DCAF10: variants seen among roughly 807,000 people sequenced by gnomAD.
The protein encoded by DCAF10 is DDB1- and CUL4-associated factor 10.
In DCAF10, 19 loss-of-function variants were observed where a neutral mutation model predicts 51.9. That is an observed-to-expected ratio of 0.37 (90% CI 0.26 to 0.54). DCAF10 has a LOEUF of 0.54. Ranked by LOEUF, DCAF10 falls within the 20% of genes least tolerant of loss-of-function variation. The pLI is 0.87. For synonymous variants in DCAF10, 291 were observed against 297.1 expected (o/e 0.98, Z 0.21); for missense variants, 510 against 730.6 (o/e 0.70, Z 3.48).
rs199884641 is a variant in DCAF10 at position 37,801,235 on chromosome 9, G to C, written c.369G>C (p.Leu123=). The C allele has an allele frequency of 5.7e-6, 9 of 1,578,614 alleles. No homozygotes were observed. The East Asian group carries it at 1.7e-4, about 29-fold the overall frequency. Residue 123 remains leucine (L), a synonymous_variant, in exon 1 of 7, where the codon CTG becomes CTC. Coordinates refer to ENST00000377724, the MANE Select transcript of DCAF10 (RefSeq NM_024345.5). The surrounding 1 kb of genome is among the most constrained non-coding windows in gnomAD (Gnocchi z 5.5). The part of the protein sequence containing the change: ...GAGLGGPGAR[L]FGWLKERSLG... ...GCCTGGGCGGCCCTGGCGCTAGGCT[G>C]TTCGGGTGGCTGAAAGAGCGCAGCC...
At chr9:37,853,157 A>AAG (rs1215584389) in intron 3 of DCAF10, among the ~76,000 whole-genome samples, 1 of 150,686 alleles carries the variant, frequency 6.6e-6, no homozygotes, top group Non-Finnish European at 1.5e-5. Context: ...CGTCTCAAAA[A>AAG]AAAAAAAAAA....
chr9:37,834,180 C>T (rs1045025427), intron 2 of DCAF10, among the ~76,000 whole-genome samples: 10 of 152,006 alleles, frequency 6.6e-5, no homozygotes, highest in East Asian at 1.9e-4. Context: ...TCTGGTGATC[C>T]GCCCTTGTTG....
At chr9:37,837,199 AC>A (rs1475641345) in intron 2 of DCAF10, among the ~76,000 whole-genome samples, 3 of 152,148 alleles carry the variant, frequency 2.0e-5, no homozygotes, top group Non-Finnish European at 4.4e-5. Context: ...GGTGGCTCAC[AC>A]CTGTAATCCC....
intron 6 of DCAF10, among the ~76,000 whole-genome samples, chr9:37,860,831 A>G (rs1341200375): frequency 6.6e-6 from 1 of 152,132 alleles, no homozygotes; most frequent in Non-Finnish European, 1.5e-5. Flanking sequence ...GATGTACTCC[A>G]GGAATTTTTA....
At chr9:37,825,127 C>T (rs139087116) in intron 2 of DCAF10, among the ~76,000 whole-genome samples, 2 of 152,200 alleles carry the variant, frequency 1.3e-5, no homozygotes, top group East Asian at 1.9e-4. Flanking sequence ...AAAGGAACAC[C>T]TATACACTGT....
intron 6 of DCAF10, among the ~76,000 whole-genome samples, chr9:37,860,778 CT>C (rs1830992074): frequency 6.6e-6 from 1 of 152,040 alleles, no homozygotes; most frequent in African/African-American, 2.4e-5. Flanking sequence ...AGAGAAGAGC[CT>C]TTGAATTGTG....
chr9:37,854,200 C>T (rs1352629395), intron 3 of DCAF10, among the ~76,000 whole-genome samples: 6 of 151,836 alleles, frequency 4.0e-5, no homozygotes, highest in East Asian at 3.9e-4. Context: ...CCCAGGCTCG[C>T]GTGATCCTCC....
chr9:37,840,883 T>C (rs552587433), intron 2 of DCAF10, among the ~76,000 whole-genome samples: 1 of 152,212 alleles, frequency 6.6e-6, no homozygotes, highest in East Asian at 1.9e-4. Flanking sequence ...ATTTTTTCTA[T>C]CTTTCAATAT....
intron 5 of DCAF10, among the ~76,000 whole-genome samples, chr9:37,859,149 G>C (rs552976002): frequency 5.6e-4 from 85 of 152,292 alleles, no homozygotes; most frequent in African/African-American, 1.9e-3. Flanking sequence ...GAGCTTCACA[G>C]GTTTCTGTTA....
chr9:37,809,699 G>T (rs1564025278), intron 1 of DCAF10, among the ~76,000 whole-genome samples: 2 of 152,008 alleles, frequency 1.3e-5, no homozygotes, highest in Admixed American at 6.6e-5. Flanking sequence ...CAGGCATGGT[G>T]GTGGGCGCCT....
chr9:37,835,732 T>G lies in DCAF10; in HGVS notation c.654-6357T>G, dbSNP rs545931660. Among the ~76,000 whole-genome samples, 428 of 152,180 alleles carry G rather than the reference T, an allele frequency of 2.8e-3. 1 individual carries two copies. The highest frequency in any genetic ancestry group is 5.0e-3 in the Non-Finnish European group (342 of 68,008). ...CCAGCCTGGGCAACAAGAGTGAAACTCAGTCTCAAAACAACAACAACAAAA... is the reference window on the plus strand; with the variant it reads ...CCAGCCTGGGCAACAAGAGTGAAACGCAGTCTCAAAACAACAACAACAAAA... On this transcript the variant is annotated intron_variant, in intron 2 of 6. Coordinates refer to ENST00000377724, the MANE Select transcript of DCAF10 (RefSeq NM_024345.5).
chr9:37,852,565 C>A (rs141419863), intron 3 of DCAF10, among the ~76,000 whole-genome samples: 5 of 151,788 alleles, frequency 3.3e-5, no homozygotes, highest in African/African-American at 1.2e-4. Flanking sequence ...GCCACTGCAC[C>A]CCAGCCTGGG....
chr9:37,830,977 C>T (rs570623546), intron 2 of DCAF10, among the ~76,000 whole-genome samples: 1 of 152,292 alleles, frequency 6.6e-6, no homozygotes, highest in South Asian at 2.1e-4. Context: ...AATCCCAGCA[C>T]TTTGGGAGGC....
chr9:37,800,668 T>C (rs1284719401), upstream of DCAF10: 3 of 1,535,868 alleles, frequency 2.0e-6, no homozygotes, highest in Admixed American at 5.9e-5. Flanking sequence ...GCTCCCTACC[T>C]CCGTTCCCGG....
In DCAF10 at chr9:37,861,703, T is replaced by C. The variant is rs1289160276; in HGVS notation, c.*195T>C. ...ACAGGCATCTCCAAGTTAGACTCTA[T>C]GCAGCATCATCTTTTGCAGCATTCC... On this transcript the variant is annotated 3_prime_UTR_variant, in exon 7 of 7. Transcript: ENST00000377724. This position sits in a 1 kb window ranked among gnomAD's most constrained non-coding sequence, Gnocchi z 4.9. 1.1e-5 allele frequency: 7 copies of C among 654,838 alleles called. No individual in the cohort carries two copies. The highest frequency in any genetic ancestry group is 1.5e-5 in the Non-Finnish European group (6 of 404,582). 40.6% of individuals were successfully genotyped at this position (654,838 alleles called of 1,614,324 possible).
At chr9:37,851,813 A>G (rs145333844) in intron 3 of DCAF10, among the ~76,000 whole-genome samples, 137 of 151,324 alleles carry the variant, frequency 9.1e-4, no homozygotes, top group African/African-American at 3.1e-3. Flanking sequence ...ATAAATAAAT[A>G]TATATGAAAA....
rs753886323 is a variant in DCAF10, at chr9:37,818,171, T to G, written c.540-1117T>G. ...CCACACCTGGCTAACATTTTTTGAA[T>G]TTTTAGTAGAGACAGGGTTTCATTA... On this transcript the variant is annotated intron_variant, in intron 1 of 6. Transcript: ENST00000377724. Among the ~76,000 whole-genome samples the G allele has an allele frequency of 3.9e-5, 6 of 152,142 alleles. No homozygotes were observed. The East Asian group carries it at 5.8e-4, about 15-fold the overall frequency.
chr9:37,854,142 C>T (rs752941933), intron 3 of DCAF10, among the ~76,000 whole-genome samples: 34 of 151,954 alleles, frequency 2.2e-4, no homozygotes, highest in Middle Eastern at 6.8e-3. Flanking sequence ...GTCTGTCACC[C>T]AGGCTGGAGT....
intron 1 of DCAF10, among the ~76,000 whole-genome samples, chr9:37,811,038 G>T (rs921011842): frequency 6.6e-6 from 1 of 152,154 alleles, no homozygotes; most frequent in Non-Finnish European, 1.5e-5. Flanking sequence ...TATGGAAGAA[G>T]AAAATATGCA....
Sources: allele counts gnomAD v4.1 joint callset (sites outside exome capture counted in the v4.1 genomes callset), GRCh38; gene constraint gnomAD v4.1.1; non-coding constraint Gnocchi (gnomAD v3.1); transcripts MANE v1.5; gene names NCBI Gene and HGNC (gene_info 2026-07-23, HGNC 2026-07-21).